RPS6KL1: variants seen among roughly 807,000 people sequenced by gnomAD.
RPS6KL1 encodes the protein ribosomal protein S6 kinase-like 1.
In RPS6KL1, 41 loss-of-function variants were observed where a neutral mutation model predicts 57.0. The ratio of observed to expected loss-of-function variants is 0.72; its 90% confidence interval spans 0.56 to 0.93. The LOEUF (loss-of-function observed/expected upper bound fraction) is 0.93, where lower values mean the gene tolerates loss of function less well. Ranked by LOEUF, RPS6KL1 falls within the 40% of genes least tolerant of loss-of-function variation. The pLI is 0.00. For missense variants in RPS6KL1, 697 were observed against 727.7 expected (o/e 0.96, Z 0.49); for synonymous variants, 287 against 309.7 (o/e 0.93, Z 0.77).
intron 7 of RPS6KL1, 79 bp from the exon 8 acceptor site, chr14:74,910,227 G>A: frequency 1.4e-6 from 2 of 1,459,972 alleles, no homozygotes; most frequent in Non-Finnish European, 1.8e-6. Context: ...TCCCACTCCT[G>A]CCTCCCTTCT....
chr14:74,918,528 G>A lies in RPS6KL1; in HGVS notation c.468C>T (p.Val156=), dbSNP rs200335544. 752 of 1,533,120 alleles carry A rather than the reference G, an allele frequency of 4.9e-4. No individual in the cohort carries two copies. Among genetic ancestry groups the A allele is most frequent in the Non-Finnish European group, 6.4e-4 (729 of 1,145,426 alleles). 95.0% of individuals were successfully genotyped at this position (1,533,120 alleles called of 1,614,324 possible). ...AVEQLRGCRV[V]GVIEKVQLVQ... ...ACTCACTCACCTTCTCGATGACCCC[G>A]ACCACCCTGCAGCCCCTCAGCTGCT... The change falls in exon 5 of 12, where the codon GTC becomes GTT. Residue 156 remains valine (V), a synonymous_variant. Coordinates refer to ENST00000557413, the MANE Select transcript of RPS6KL1 (RefSeq NM_031464.5).
intron 10 of RPS6KL1, 79 bp downstream of exon 10, chr14:74,908,771 C>T: frequency 3.8e-6 from 5 of 1,305,682 alleles, no homozygotes; most frequent in Non-Finnish European, 5.5e-6. Flanking sequence ...TCTGCCCAGA[C>T]TGGCTGGATG....
At chr14:74,916,737 G>A (rs746948957) in intron 5 of RPS6KL1, among the ~76,000 whole-genome samples, 4 of 152,112 alleles carry the variant, frequency 2.6e-5, no homozygotes, top group Non-Finnish European at 5.9e-5. Context: ...ATCTGCAGGG[G>A]CCTCGAAACA....
rs575767975 is a variant in RPS6KL1 at position 74,907,490 on chromosome 14, G to C, written c.1484C>G (p.Thr495Ser). The part of the protein sequence containing the change: ...QSHPSGIQAH[T>S]QLQLPEWLSR... The stretch of plus-strand genomic sequence containing the variant: ...GAGCCACTCGGGCAGCTGGAGCTGG[G>C]TGTGGGCCTGGATTCCTGAAGGGTG... Residue 495 changes from threonine (T) to serine (S), a missense_variant, in exon 11 of 12, where the codon ACC becomes AGC. Transcript: ENST00000557413. 3 of 1,586,792 alleles carry C rather than the reference G, an allele frequency of 1.9e-6. No individual in the cohort carries two copies. Among genetic ancestry groups the C allele is most frequent in the Non-Finnish European group, 2.6e-6 (3 of 1,166,624 alleles).
At chr14:74,915,213 A>G (rs1403524000) in intron 5 of RPS6KL1, among the ~76,000 whole-genome samples, 3 of 152,216 alleles carry the variant, frequency 2.0e-5, no homozygotes, top group African/African-American at 7.2e-5. Context: ...TTTAATGAAT[A>G]TGAATGCACA....
Position 74,921,257 on chromosome 14 carries a change from T to TGCCCA in RPS6KL1, c.265+15_265+19dup. ...GGCCCTTCCCCACCCACCCCAGCCCTGCCCAGCCCCGGTCCTCACCGTGTA... is the reference window on the plus strand; with the variant it reads ...GGCCCTTCCCCACCCACCCCAGCCCTGCCCAGCCCAGCCCCGGTCCTCACCGTGTA... On this transcript the variant is annotated intron_variant, in intron 3 of 11. Transcript: ENST00000557413. 1.7e-6 allele frequency: 1 copy of TGCCCA among 585,398 alleles called. No homozygotes were observed. The highest frequency in any genetic ancestry group is 2.9e-6 in the Non-Finnish European group (1 of 347,494). The allele number at this position is 585,398 out of a possible 1,614,324, so 36.3% of individuals were successfully genotyped here.
chr14:74,921,713 C>A, intron 2 of RPS6KL1, 152 bp from the exon 3 acceptor site: 1 of 1,432,596 alleles, frequency 7.0e-7, no homozygotes, highest in Middle Eastern at 2.6e-4. Flanking sequence ...TTTCATGGAT[C>A]CAGGTCCTTC....
intron 5 of RPS6KL1, among the ~76,000 whole-genome samples, chr14:74,915,582 C>G (rs1886692920): frequency 6.6e-6 from 1 of 152,162 alleles, no homozygotes. Flanking sequence ...TTCTTAAACT[C>G]AAAGGTCCAC....
intron 8 of RPS6KL1, 126 bp from the exon 9 acceptor site, chr14:74,909,316 C>A: frequency 9.5e-7 from 1 of 1,049,170 alleles, no homozygotes; most frequent in Non-Finnish European, 1.4e-6. Flanking sequence ...AGAAACTCGG[C>A]AGGGGCACAG....
intron 11 of RPS6KL1, 36 bp downstream of exon 11, chr14:74,907,399 T>G: frequency 6.5e-7 from 1 of 1,547,974 alleles, no homozygotes. Flanking sequence ...TTCCTCAGGC[T>G]AGGCAGCTGC....
intron 5 of RPS6KL1, among the ~76,000 whole-genome samples, chr14:74,913,486 G>A (rs10454687): frequency 0.078 from 11,949 of 152,252 alleles, 574 homozygotes; most frequent in African/African-American, 0.13. Flanking sequence ...GAACTCAGGA[G>A]GCAGAGTTGC....
chr14:74,922,140 C>G lies in RPS6KL1; in HGVS notation c.-183G>C. The G allele has an allele frequency of 2.1e-6, 2 of 956,614 alleles. No homozygotes were observed. The highest frequency in any genetic ancestry group is 1.2e-6 in the Non-Finnish European group (1 of 800,086). 59.3% of individuals were successfully genotyped at this position (956,614 alleles called of 1,614,324 possible). On this transcript the variant is annotated 5_prime_UTR_variant, in exon 2 of 12. Transcript: ENST00000557413. ...GCAAACATTTCTGGAGCATCTGGTA[C>G]TGTGTTGAGCTCTGGAGAGAGCTGA...
Position 74,909,523 on chromosome 14 carries a change from G to A in RPS6KL1, c.1270+20C>T, listed in dbSNP as rs763012067. 19 of 1,570,186 alleles carry A rather than the reference G, an allele frequency of 1.2e-5. No homozygotes were observed. The highest frequency in any genetic ancestry group is 2.0e-4 in the Middle Eastern group (1 of 5,032). On this transcript the variant is annotated intron_variant, in intron 8 of 11. Transcript: ENST00000557413. ...GACGCTTTGGGGGCCACCCCACTGA[G>A]GGGTGAGGAGGGCACCTACCTGCCT...
rs558208953 is a variant in RPS6KL1 at position 74,920,108 on chromosome 14, T to C, written c.266-139A>G. On this transcript the variant is annotated intron_variant, in intron 3 of 11. Coordinates refer to ENST00000557413, the MANE Select transcript of RPS6KL1 (RefSeq NM_031464.5). ...TGGTTCGGCAGATTCTGCCCCCAGA[T>C]TGCTTCATGAGCCCCTCCTCTGGGG... The C allele has an allele frequency of 2.2e-5, 24 of 1,105,810 alleles. No homozygotes were observed. The African/African-American group carries it at 3.1e-4, about 14-fold the overall frequency. 68.5% of individuals were successfully genotyped at this position (1,105,810 alleles called of 1,614,324 possible).
intron 5 of RPS6KL1, among the ~76,000 whole-genome samples, chr14:74,913,321 C>T (rs1385707301): frequency 6.6e-6 from 1 of 152,088 alleles, no homozygotes; most frequent in Non-Finnish European, 1.5e-5. Flanking sequence ...ATTTGGGAGG[C>T]CAAGGCGGGT....
intron 5 of RPS6KL1, among the ~76,000 whole-genome samples, chr14:74,916,611 G>C (rs1176743080): frequency 1.3e-5 from 2 of 152,040 alleles, no homozygotes; most frequent in African/African-American, 2.4e-5. Flanking sequence ...AGCCTGGTAG[G>C]TCGAGGCTGC....
chr14:74,921,257 T>G lies in RPS6KL1; in HGVS notation c.265+20A>C. On this transcript the variant is annotated intron_variant, in intron 3 of 11. Transcript: ENST00000557413. ...GGCCCTTCCCCACCCACCCCAGCCC[T>G]GCCCAGCCCCGGTCCTCACCGTGTA... The G allele has an allele frequency of 8.4e-5, 49 of 585,028 alleles. No individual in the cohort carries two copies. Among genetic ancestry groups the G allele is most frequent in the Non-Finnish European group, 1.3e-4 (45 of 347,162 alleles). 36.2% of individuals were successfully genotyped at this position (585,028 alleles called of 1,614,324 possible).
chr14:74,918,572 T>C lies in RPS6KL1; in HGVS notation c.424A>G (p.Thr142Ala). 6.5e-7 allele frequency: 1 copy of C among 1,534,324 alleles called. No individual in the cohort carries two copies. The highest frequency in any genetic ancestry group is 1.2e-5 in the South Asian group (1 of 83,518). The change falls in exon 5 of 12, where the codon ACG (threonine) becomes GCG (alanine). Residue 142 changes from threonine to alanine, a missense_variant. Transcript: ENST00000557413. ...FSSLRLRPIR[T>A]LSSAVEQLRG... ...AGCTGCTCCACGGCAGAGCTCAGCG[T>C]GCGAATGGGCCGGAGCCTCAGGCTG...
intron 5 of RPS6KL1, among the ~76,000 whole-genome samples, chr14:74,915,247 C>A (rs1278447301): frequency 1.3e-5 from 2 of 152,206 alleles, no homozygotes; most frequent in Admixed American, 1.3e-4. Context: ...CTAGTGACTA[C>A]TGTGTTGAAC....
Sources: gnomAD v4.1 joint callset for allele counts (sites outside exome capture counted in the v4.1 genomes callset) on GRCh38, gnomAD v4.1.1 for gene constraint, MANE v1.5 for transcripts, NCBI Gene and HGNC (gene_info 2026-07-23, HGNC 2026-07-21) for gene names.